ATXN10: variants seen among roughly 807,000 people sequenced by gnomAD.
The protein encoded by ATXN10 is ataxin-10.
ATXN10 carries 28 observed loss-of-function variants against 52.9 expected under a neutral mutation model. That is an observed-to-expected ratio of 0.53 (90% confidence interval 0.39 to 0.73). ATXN10 has a LOEUF of 0.73. Among genes scored for constraint, ATXN10 ranks in the 30% least tolerant of loss-of-function variants. The pLI is 0.00. For missense variants in ATXN10, 565 were observed against 577.0 expected (o/e 0.98, Z 0.21); for synonymous variants, 226 against 221.5 (o/e 1.02, Z -0.18).
intron 6 of ATXN10, among the ~76,000 whole-genome samples, chr22:45,721,600 A>G (rs1227006778): frequency 6.6e-6 from 1 of 152,170 alleles, no homozygotes; most frequent in Non-Finnish European, 1.5e-5. Context: ...TTCTGCTTCC[A>G]TGCTCTTACT....
At chr22:45,738,420 CAT>C in intron 7 of ATXN10, 1 of 304,742 alleles carries the variant, frequency 3.3e-6, no homozygotes, top group South Asian at 4.0e-5. Context: ...TAATTTTGAA[CAT>C]TTATTCCACT....
chr22:45,676,943 A>C (rs780680279), intron 1 of ATXN10: 2 of 152,100 alleles, frequency 1.3e-5, no homozygotes, highest in Non-Finnish European at 2.9e-5. Context: ...ATGCCCAGAT[A>C]ATTTTTTTGT....
rs1453802345 is a variant in ATXN10 at position 45,772,411 on chromosome 22, T to C, written c.1173+31873T>C. On this transcript the variant is annotated intron_variant, in intron 9 of 11. Coordinates refer to ENST00000252934, the MANE Select transcript of ATXN10 (RefSeq NM_013236.4). The surrounding 1 kb of genome is among the most constrained non-coding windows in gnomAD (Gnocchi z 4.1). ...ATTTGTGTGGGTCTGTTTCCAGATA[T>C]GCTATTTTGTTCGTCGATATTTGTG... is the stretch of plus-strand genomic sequence containing the variant. 6.6e-6 allele frequency among the ~76,000 whole-genome samples: 1 copy of C among 152,232 alleles called. No homozygotes were observed. Among genetic ancestry groups the C allele is most frequent in the Non-Finnish European group, 1.5e-5 (1 of 68,034 alleles).
chr22:45,680,495 C>T (rs1922877793), intron 1 of ATXN10, among the ~76,000 whole-genome samples: 1 of 152,030 alleles, frequency 6.6e-6, no homozygotes, highest in Non-Finnish European at 1.5e-5. Flanking sequence ...TGAGAAACTC[C>T]TAGGTTTTCT....
At position 45,683,638 on chromosome 22, in the gene ATXN10, A is replaced by G. The variant is rs1923018289; in HGVS notation, c.117-6074A>G. On this transcript the variant is annotated intron_variant, in intron 1 of 11. Coordinates refer to ENST00000252934, the MANE Select transcript of ATXN10 (RefSeq NM_013236.4). This position sits in a 1 kb window ranked among gnomAD's most constrained non-coding sequence, Gnocchi z 4.8. ...GTACAAAATCTTTCTCTAAGCATGT[A>G]AAGACATTCTCCTTATATTTTCTTC... 6.6e-6 allele frequency among the ~76,000 whole-genome samples: 1 copy of G among 152,246 alleles called. No homozygotes were observed. The highest frequency in any genetic ancestry group is 2.1e-4 in the South Asian group (1 of 4,834).
At position 45,705,845 on chromosome 22, in the gene ATXN10, G is replaced by A. The variant is rs147527047; in HGVS notation, c.647+2998G>A. Among the ~76,000 whole-genome samples, 1,146 of 152,238 alleles carry A rather than the reference G, an allele frequency of 7.5e-3. 9 individuals are homozygous for A. The highest frequency in any genetic ancestry group is 0.019 in the South Asian group (92 of 4,816). ...CTAGGCCGGGGGTCCTCCAGCCCCC[G>A]ACCTGTGGACTGGTACCTGTCCATG... On this transcript the variant is annotated intron_variant, in intron 5 of 11. Transcript: ENST00000252934. The surrounding 1 kb of genome is among the most constrained non-coding windows in gnomAD (Gnocchi z 5.2).
Position 45,819,322 on chromosome 22 carries a change from A to T in ATXN10, c.1237+12300A>T, listed in dbSNP as rs1210069158. Among the ~76,000 whole-genome samples, 1 of 152,210 alleles carries T rather than the reference A, an allele frequency of 6.6e-6. No homozygotes were observed. The highest frequency in any genetic ancestry group is 1.5e-5 in the Non-Finnish European group (1 of 68,034). On this transcript the variant is annotated intron_variant, in intron 10 of 11. Coordinates refer to ENST00000252934, the MANE Select transcript of ATXN10 (RefSeq NM_013236.4). The surrounding 1 kb of genome is among the most constrained non-coding windows in gnomAD (Gnocchi z 4.5). ...ATGTATAAGATCAGATCATAAGCCT[A>T]AAGTAGCCTAAAGTATCAGCTCAAA...
In ATXN10 at chr22:45,783,103, T is replaced by G. The variant is rs1318396931; in HGVS notation, c.1174-23856T>G. 6.6e-6 allele frequency among the ~76,000 whole-genome samples: 1 copy of G among 152,242 alleles called. No homozygotes were observed. Among genetic ancestry groups the G allele is most frequent in the East Asian group, 1.9e-4 (1 of 5,198 alleles). The stretch of plus-strand genomic sequence containing the variant: ...TCACTTAAAGGAAGCACTTTATGGC[T>G]TCTCTTTGGCATATTCAAATTGGCA... On this transcript the variant is annotated intron_variant, in intron 9 of 11. Coordinates refer to ENST00000252934, the MANE Select transcript of ATXN10 (RefSeq NM_013236.4). The surrounding 1 kb of genome is among the most constrained non-coding windows in gnomAD (Gnocchi z 5.0).
Position 45,681,447 on chromosome 22 carries a change from C to T in ATXN10, c.117-8265C>T, listed in dbSNP as rs562017306. 2.0e-5 allele frequency among the ~76,000 whole-genome samples: 3 copies of T among 152,266 alleles called. No homozygotes were observed. The East Asian group carries it at 5.8e-4, about 29-fold the overall frequency. ...ACCTACAGTCTTTTGACCCTATTTC[C>T]TATTTACTACCCCTTTTGTTTTTCA... On this transcript the variant is annotated intron_variant, in intron 1 of 11. Transcript: ENST00000252934. The surrounding 1 kb of genome is among the most constrained non-coding windows in gnomAD (Gnocchi z 4.2).
rs1929363841 is a variant in ATXN10 at position 45,842,136 on chromosome 22, T to C, written c.1238-855T>C. ...GACACAGCCTCTCTTGGCAGTCTCT[T>C]ACATATGTCCCTGGATCCAACCACT... On this transcript the variant is annotated intron_variant, in intron 10 of 11. Transcript: ENST00000252934. This position sits in a 1 kb window ranked among gnomAD's most constrained non-coding sequence, Gnocchi z 4.8. 2.0e-5 allele frequency among the ~76,000 whole-genome samples: 3 copies of C among 152,178 alleles called. No homozygotes were observed. In the South Asian group the frequency reaches 6.2e-4, roughly 32 times the overall value.
In ATXN10 at chr22:45,844,774, C is replaced by T. The variant is rs533573444; in HGVS notation, c.*1103C>T. ...ATATATCCAGAGATTTTGCACAATT[C>T]GTGTTGAACCTTCCAAAACAAAAAT... On this transcript the variant is annotated 3_prime_UTR_variant, in exon 12 of 12. Transcript: ENST00000252934. The T allele has an allele frequency of 2.0e-5, 3 of 152,174 alleles. No individual in the cohort carries two copies. Among genetic ancestry groups the T allele is most frequent in the Non-Finnish European group, 4.4e-5 (3 of 68,036 alleles). The allele number at this position is 152,174 out of a possible 1,614,324, so 9.4% of individuals were successfully genotyped here. A position where few individuals can be genotyped will look rare whatever the true frequency, so the allele number is the denominator to read the frequency against.
chr22:45,747,090 C>T (rs1925760046), intron 9 of ATXN10, among the ~76,000 whole-genome samples: 1 of 152,162 alleles, frequency 6.6e-6, no homozygotes, highest in African/African-American at 2.4e-5. Flanking sequence ...ACCCATCTCC[C>T]AAGGTCTTTC....
chr22:45,794,760 G>C (rs554303433), intron 9 of ATXN10, among the ~76,000 whole-genome samples: 1 of 152,212 alleles, frequency 6.6e-6, no homozygotes, highest in South Asian at 2.1e-4. Flanking sequence ...AAAAAAAGAA[G>C]GTAAAATGTC....
At chr22:45,699,783 T>C (rs1051538869) in intron 3 of ATXN10, among the ~76,000 whole-genome samples, 6 of 151,292 alleles carry the variant, frequency 4.0e-5, no homozygotes, top group African/African-American at 1.5e-4. Flanking sequence ...TGTGAGCCAC[T>C]GCACCCAGGC....
intron 10 of ATXN10, among the ~76,000 whole-genome samples, chr22:45,814,494 C>G (rs1324271845): frequency 6.6e-6 from 1 of 152,186 alleles, no homozygotes; most frequent in Non-Finnish European, 1.5e-5. Flanking sequence ...ATGAAGCAGC[C>G]TGAACTAATA....
rs1190537156 is a variant in ATXN10 at position 45,833,340 on chromosome 22, A to C, written c.1238-9651A>C. ...CCATGGTAACTAATGCCATTGGAGC[A>C]AGTGCTACCAGATGCCCAGACACTG... On this transcript the variant is annotated intron_variant, in intron 10 of 11. Transcript: ENST00000252934. The surrounding 1 kb of genome is among the most constrained non-coding windows in gnomAD (Gnocchi z 4.3). Among the ~76,000 whole-genome samples, 4 of 152,202 alleles carry C rather than the reference A, an allele frequency of 2.6e-5. No homozygotes were observed. The highest frequency in any genetic ancestry group is 2.6e-4 in the Admixed American group (4 of 15,286).
rs533605178 is a variant in ATXN10, at chr22:45,688,913, C to G, written c.117-799C>G. 4.9e-4 allele frequency among the ~76,000 whole-genome samples: 75 copies of G among 152,112 alleles called. No individual in the cohort carries two copies. The highest frequency in any genetic ancestry group is 9.0e-4 in the Non-Finnish European group (61 of 68,020). ...GCTTGCATTTAGGTGCAATGTTGCACAAAAAATTCTTATCTTTAGAGCTCT... is the reference window on the plus strand; with the variant it reads ...GCTTGCATTTAGGTGCAATGTTGCAGAAAAAATTCTTATCTTTAGAGCTCT... On this transcript the variant is annotated intron_variant, in intron 1 of 11. Coordinates refer to ENST00000252934, the MANE Select transcript of ATXN10 (RefSeq NM_013236.4). The surrounding 1 kb of genome is among the most constrained non-coding windows in gnomAD (Gnocchi z 4.0).
intron 9 of ATXN10, among the ~76,000 whole-genome samples, chr22:45,785,606 AGCT>A (rs1468630424): frequency 6.6e-6 from 1 of 152,130 alleles, no homozygotes; most frequent in Non-Finnish European, 1.5e-5. Context: ...TTTGCAGTAG[AGCT>A]TTTTGGCCTG....
chr22:45,802,008 A>C (rs1046064195), intron 9 of ATXN10, among the ~76,000 whole-genome samples: 1 of 152,184 alleles, frequency 6.6e-6, no homozygotes, highest in African/African-American at 2.4e-5. Flanking sequence ...GTTTTCTGTC[A>C]ACCTAGTAGG....
Sources: allele counts gnomAD v4.1 joint callset (sites outside exome capture counted in the v4.1 genomes callset), GRCh38; gene constraint gnomAD v4.1.1; non-coding constraint Gnocchi (gnomAD v3.1); transcripts MANE v1.5; gene names NCBI Gene and HGNC (gene_info 2026-07-23, HGNC 2026-07-21).